The following TTC23 variants were observed in gnomAD, a reference collection of about 807,000 sequenced individuals.
TTC23 encodes tetratricopeptide repeat domain 23, also known as tetratricopeptide repeat protein 23.
A neutral mutation model predicts 55.1 loss-of-function variants in TTC23; 58 were observed. The ratio of observed to expected loss-of-function variants is 1.05; its 90% CI spans 0.85 to 1.31. The LOEUF (loss-of-function observed/expected upper bound fraction) is 1.31, where lower values mean the gene tolerates loss of function less well. Among genes scored for constraint, TTC23 ranks in the 50% most tolerant of loss-of-function variants. The pLI, the probability that TTC23 is intolerant of heterozygous loss-of-function variation, is 0.00. For synonymous variants in TTC23, 203 were observed against 199.9 expected (o/e 1.02, Z -0.13); for missense variants, 516 against 534.4 (o/e 0.97, Z 0.34).
At chr15:99,206,149 C>T (rs1359759867) in intron 8 of TTC23, among the ~76,000 whole-genome samples, 11 of 152,128 alleles carry the variant, frequency 7.2e-5, no homozygotes, top group Admixed American at 7.2e-4. Flanking sequence ...GTATGTTGAA[C>T]CATCCTTGCA....
At chr15:99,156,683 C>T (rs1449054842) in intron 11 of TTC23, among the ~76,000 whole-genome samples, 1 of 152,186 alleles carries the variant, frequency 6.6e-6, no homozygotes, top group African/African-American at 2.4e-5. Context: ...ACCCATGGTT[C>T]AATCACCTCC....
At chr15:99,231,100 T>C (rs772955982) in intron 4 of TTC23, among the ~76,000 whole-genome samples, 71 of 151,844 alleles carry the variant, frequency 4.7e-4, no homozygotes, top group African/African-American at 4.9e-4. Flanking sequence ...CATTGACTCA[T>C]GTGTTGGTGG....
chr15:99,234,358 A>G (rs2079144027), intron 4 of TTC23, among the ~76,000 whole-genome samples: 1 of 152,098 alleles, frequency 6.6e-6, no homozygotes, highest in Non-Finnish European at 1.5e-5. Context: ...TTATTTATTT[A>G]TTTATCTATT....
chr15:99,197,704 G>C (rs12913713), intron 9 of TTC23, among the ~76,000 whole-genome samples: 1 of 151,766 alleles, frequency 6.6e-6, no homozygotes, highest in Non-Finnish European at 1.5e-5. Flanking sequence ...TCAGGAGTTC[G>C]AGACCAGCCT....
intron 9 of TTC23, among the ~76,000 whole-genome samples, chr15:99,181,731 T>C (rs561277421): frequency 1.3e-5 from 2 of 152,206 alleles, no homozygotes; most frequent in Non-Finnish European, 2.9e-5. Context: ...CACACACCCC[T>C]TGGAGGCCTG....
chr15:99,209,210 C>T (rs907313247), intron 8 of TTC23, among the ~76,000 whole-genome samples: 3 of 152,174 alleles, frequency 2.0e-5, no homozygotes, highest in African/African-American at 7.2e-5. Flanking sequence ...ACTAAGGCAA[C>T]AGAGTTTCCT....
In TTC23 at chr15:99,212,934, G is replaced by C. The variant is rs1205417704; in HGVS notation, c.581+5654C>G. ...CAGGAGGTCAAGGCTGCCGTGAGCTGTCACTGTGAAACTGTACTCCAGCCA... is the reference window on the plus strand; with the variant it reads ...CAGGAGGTCAAGGCTGCCGTGAGCTCTCACTGTGAAACTGTACTCCAGCCA... On this transcript the variant is annotated intron_variant, in intron 8 of 13. Transcript: ENST00000394132. 2.9e-5 allele frequency among the ~76,000 whole-genome samples: 4 copies of C among 139,522 alleles called. No homozygotes were observed. In the East Asian group the frequency reaches 9.2e-4, roughly 32 times the overall value. The allele number at this position is 139,522 out of a possible 152,430, so 91.5% of individuals were successfully genotyped here.
At chr15:99,144,108 C>G (rs1313325740) in intron 12 of TTC23, among the ~76,000 whole-genome samples, 1 of 152,158 alleles carries the variant, frequency 6.6e-6, no homozygotes, top group African/African-American at 2.4e-5. Flanking sequence ...AGGACTCATT[C>G]GGAAAGCTGG....
chr15:99,228,545 G>A lies in TTC23; in HGVS notation c.168C>T (p.Ser56=), dbSNP rs2078659420. 2 of 1,610,890 alleles carry A rather than the reference G, an allele frequency of 1.2e-6. No individual in the cohort carries two copies. Among genetic ancestry groups the A allele is most frequent in the Non-Finnish European group, 1.7e-6 (2 of 1,178,502 alleles). The change falls in exon 5 of 14, where the codon TCC becomes TCT. Residue 56 remains serine, a synonymous_variant. Coordinates refer to ENST00000394132, the MANE Select transcript of TTC23 (RefSeq NM_001288615.3). The stretch of plus-strand genomic sequence containing the variant: ...AAAGTCTCCTTACCTCATGACTGTT[G>A]GAATAGGACTTTGCTTTCTCTTCAC... ...HLCEEKAKSY[S]NSHEYKQAVH...
In TTC23 at chr15:99,204,842, C is replaced by T. The variant is rs565276058; in HGVS notation, c.582-4746G>A. Among the ~76,000 whole-genome samples the T allele has an allele frequency of 1.6e-3, 240 of 152,042 alleles. 1 individual carries two copies. Among genetic ancestry groups the T allele is most frequent in the Admixed American group, 2.6e-3 (40 of 15,236 alleles). ...GTAAAGATAGAGTTTCACCATGTTG[C>T]CCAGACTGGTCTTGAACTCCTGTGC... is the stretch of plus-strand genomic sequence containing the variant. On this transcript the variant is annotated intron_variant, in intron 8 of 13. Transcript: ENST00000394132.
chr15:99,179,323 G>A (rs1278745206), intron 9 of TTC23, among the ~76,000 whole-genome samples: 2 of 152,064 alleles, frequency 1.3e-5, no homozygotes, highest in African/African-American at 2.4e-5. Flanking sequence ...TTGCCTCCAT[G>A]CACATCTACT....
intron 9 of TTC23, among the ~76,000 whole-genome samples, chr15:99,176,466 C>T (rs1005934883): frequency 6.6e-6 from 1 of 152,102 alleles, no homozygotes; most frequent in African/African-American, 2.4e-5. Context: ...CAAAAATTAG[C>T]CGGGCATGGT....
chr15:99,227,864 T>C (rs1375840251), intron 5 of TTC23, among the ~76,000 whole-genome samples: 1 of 152,210 alleles, frequency 6.6e-6, no homozygotes, highest in African/African-American at 2.4e-5. Flanking sequence ...CCGAAGAAAG[T>C]GTGCCTTAAC....
chr15:99,236,204 G>C (rs768179493), intron 3 of TTC23, among the ~76,000 whole-genome samples: 7 of 152,216 alleles, frequency 4.6e-5, no homozygotes, highest in Middle Eastern at 3.4e-3. Context: ...AGTTTTTGGA[G>C]GAAACATCGT....
chr15:99,147,350 C>T (rs1479661843), intron 12 of TTC23, among the ~76,000 whole-genome samples: 5 of 151,838 alleles, frequency 3.3e-5, no homozygotes, highest in African/African-American at 7.3e-5. Flanking sequence ...CTCAGCCTCC[C>T]GAGTAGCTGG....
At chr15:99,174,715 A>G (rs539682665) in intron 10 of TTC23, among the ~76,000 whole-genome samples, 1 of 152,310 alleles carries the variant, frequency 6.6e-6, no homozygotes, top group Non-Finnish European at 1.5e-5. Context: ...AGCTGTTGCC[A>G]CAACAATCTT....
intron 10 of TTC23, among the ~76,000 whole-genome samples, chr15:99,169,527 C>A (rs781144629): frequency 5.3e-5 from 8 of 152,144 alleles, no homozygotes; most frequent in Non-Finnish European, 1.0e-4. Context: ...ACCAGGGGTG[C>A]CTGATTTCTG....
chr15:99,155,441 C>T (rs2070403209), intron 12 of TTC23: 1 of 152,026 alleles, frequency 6.6e-6, no homozygotes, highest in East Asian at 1.9e-4. Context: ...CAAATTGATA[C>T]AAAAATTCAT....
rs116663594 is a variant in TTC23, at chr15:99,216,056, G to T, written c.581+2532C>A. On this transcript the variant is annotated intron_variant, in intron 8 of 13. Transcript: ENST00000394132. Reference sequence around the variant, plus strand: ...AAGTGATAGGTTAAGAAGATATGAGGCTGCTAAACTCTCCTCTCACCCCAA... The same window carrying T: ...AAGTGATAGGTTAAGAAGATATGAGTCTGCTAAACTCTCCTCTCACCCCAA... 2.3e-3 allele frequency among the ~76,000 whole-genome samples: 347 copies of T among 152,208 alleles called. 1 individual carries two copies. Among genetic ancestry groups the T allele is most frequent in the African/African-American group, 7.9e-3 (330 of 41,524 alleles).
Sources: gnomAD v4.1 joint callset for allele counts (sites outside exome capture counted in the v4.1 genomes callset) on GRCh38, gnomAD v4.1.1 for gene constraint, MANE v1.5 for transcripts, NCBI Gene and HGNC (gene_info 2026-07-23, HGNC 2026-07-21) for gene names.